The following AFF3 variants were observed in gnomAD, a reference collection of about 807,000 sequenced individuals.
The protein encoded by AFF3 is AF4/FMR2 family member 3.
In AFF3, 32 loss-of-function variants were observed where a neutral mutation model predicts 129.7. The observed-to-expected ratio is 0.25, with a 90% CI of 0.19 to 0.33. The LOEUF is 0.33. Ranked by LOEUF, AFF3 falls within the 10% of genes least tolerant of loss-of-function variation. The probability of loss-of-function intolerance (pLI) is 1.00; values close to 1 mark genes in which losing one functional copy is unlikely to be tolerated. For missense variants in AFF3, 1,373 were observed against 1,592.0 expected (o/e 0.86, Z 2.34); for synonymous variants, 644 against 635.4 (o/e 1.01, Z -0.20).
At chr2:99,936,909 G>A (rs1674572554) in intron 7 of AFF3, among the ~76,000 whole-genome samples, 1 of 152,198 alleles carries the variant, frequency 6.6e-6, no homozygotes, top group Admixed American at 6.5e-5. Flanking sequence ...ACCTCAGTAA[G>A]CACAGCTCTC....
At chr2:99,910,884 A>G (rs998382393) in intron 7 of AFF3, among the ~76,000 whole-genome samples, 2 of 152,274 alleles carry the variant, frequency 1.3e-5, no homozygotes, top group African/African-American at 4.8e-5. Context: ...GGCTGGACAA[A>G]TCACATAATT....
At chr2:100,106,177 T>A (rs942904338) in intron 2 of AFF3, 1 of 1,198,742 alleles carries the variant, frequency 8.3e-7, no homozygotes, top group Non-Finnish European at 1.1e-6. Context: ...GAATCAATCC[T>A]TTCTTCATTA....
rs765826728 is a variant in AFF3, at chr2:99,594,024, T to C, written c.1637A>G (p.Lys546Arg). 6.3e-7 allele frequency: 1 copy of C among 1,597,466 alleles called. No homozygotes were observed. Among genetic ancestry groups the C allele is most frequent in the South Asian group, 1.1e-5 (1 of 89,304 alleles). ...CACGGCCGCGGGCGGGGACTTCTGC[T>C]TCACGCCTTTACTCCCAGGGGCCTT... Reference protein sequence around the residue: ...ANKAPGSKGVKQKSPPAAVAV... With the variant: ...ANKAPGSKGVRQKSPPAAVAV... Residue 546 changes from lysine (K) to arginine (R), a missense_variant, in exon 15 of 25, where the codon AAG becomes AGG. This residue lies in a region of AFF3 where 413 missense variants were observed against 424.4 expected (regional missense o/e 0.97). Coordinates refer to ENST00000672756, the MANE Select transcript of AFF3 (RefSeq NM_001386135.1).
intron 9 of AFF3, among the ~76,000 whole-genome samples, chr2:99,747,264 A>C (rs1681246954): frequency 6.6e-6 from 1 of 152,112 alleles, no homozygotes; most frequent in South Asian, 2.1e-4. Flanking sequence ...TCCTGGCCTC[A>C]AGTGATCCAC....
chr2:99,551,657 C>T (rs1674421603), intron 24 of AFF3, 62 bp from the exon 25 acceptor site: 6 of 1,598,766 alleles, frequency 3.8e-6, no homozygotes, highest in Non-Finnish European at 5.1e-6. Context: ...TCCTGAGCAA[C>T]TGATGTAAGG....
intron 4 of AFF3, among the ~76,000 whole-genome samples, chr2:100,016,033 GTGGTGA>G (rs1683001772): frequency 6.8e-6 from 1 of 146,206 alleles, no homozygotes; most frequent in Admixed American, 6.6e-5. Flanking sequence ...GGTGGTGGTG[GTGGTGA>G]TGGTGATGAT....
intron 4 of AFF3, among the ~76,000 whole-genome samples, chr2:100,069,523 C>T (rs1687998758): frequency 6.6e-6 from 1 of 152,160 alleles, no homozygotes. Context: ...AGAAAACAGT[C>T]ATAGTCCCTT....
At chr2:99,637,344 G>A (rs535335919) in intron 13 of AFF3, among the ~76,000 whole-genome samples, 59 of 152,332 alleles carry the variant, frequency 3.9e-4, no homozygotes, top group Admixed American at 5.9e-4. Context: ...CACGGCCTCC[G>A]CCCACTGCAG....
At chr2:100,019,961 A>C (rs1000601156) in intron 4 of AFF3, among the ~76,000 whole-genome samples, 2 of 152,170 alleles carry the variant, frequency 1.3e-5, no homozygotes, top group Non-Finnish European at 2.9e-5. Context: ...TGAATCAGCA[A>C]ATAAACCTGG....
chr2:100,019,467 G>C (rs1205663351), intron 4 of AFF3, among the ~76,000 whole-genome samples: 2 of 152,088 alleles, frequency 1.3e-5, no homozygotes, highest in African/African-American at 4.8e-5. Flanking sequence ...ACCCTGACAG[G>C]CCAACCATCA....
intron 20 of AFF3, among the ~76,000 whole-genome samples, chr2:99,562,912 C>T (rs1559480325): frequency 1.3e-5 from 2 of 152,134 alleles, no homozygotes. Context: ...TTCAGCTCAT[C>T]CCTGATGGTA....
intron 4 of AFF3, among the ~76,000 whole-genome samples, chr2:100,050,409 T>C (rs1219764705): frequency 6.6e-6 from 1 of 152,062 alleles, no homozygotes; most frequent in African/African-American, 2.4e-5. Flanking sequence ...GTCTTGATCA[T>C]AGCTCACTGC....
intron 4 of AFF3, among the ~76,000 whole-genome samples, chr2:100,034,206 C>T (rs1042639934): frequency 1.3e-5 from 2 of 152,162 alleles, no homozygotes; most frequent in Non-Finnish European, 2.9e-5. Context: ...CAAAGAAAAT[C>T]AATCTCTTTA....
chr2:100,003,430 C>T (rs1681619763), intron 7 of AFF3, among the ~76,000 whole-genome samples: 1 of 152,176 alleles, frequency 6.6e-6, no homozygotes, highest in Non-Finnish European at 1.5e-5. Context: ...TGGTCTCTCA[C>T]CCAACCATAG....
chr2:99,967,510 G>A (rs1677900993), intron 7 of AFF3, among the ~76,000 whole-genome samples: 1 of 152,232 alleles, frequency 6.6e-6, no homozygotes, highest in Non-Finnish European at 1.5e-5. Flanking sequence ...ACCAGCTTGT[G>A]AACTGACTGT....
In AFF3 at chr2:99,580,620, C is replaced by T. The variant is rs144000615; in HGVS notation, c.2794-2169G>A. 6.6e-5 allele frequency among the ~76,000 whole-genome samples: 10 copies of T among 152,306 alleles called. No homozygotes were observed. In the East Asian group the frequency reaches 1.9e-3, roughly 29 times the overall value. ...GAAAACCTGCTTCGCAGAGGCCGGG[C>T]GCGGTGGCTCATGCCTGTAATCCCA... is the stretch of plus-strand genomic sequence containing the variant. On this transcript the variant is annotated intron_variant, in intron 17 of 24. Coordinates refer to ENST00000672756, the MANE Select transcript of AFF3 (RefSeq NM_001386135.1).
intron 12 of AFF3, among the ~76,000 whole-genome samples, chr2:99,656,021 C>T (rs902428594): frequency 4.6e-5 from 7 of 152,094 alleles, no homozygotes; most frequent in Non-Finnish European, 8.8e-5. Flanking sequence ...GATGGAGATC[C>T]ACTTGTTAAG....
intron 16 of AFF3, among the ~76,000 whole-genome samples, chr2:99,585,564 CTTGA>C (rs1678020419): frequency 6.6e-6 from 1 of 152,180 alleles, no homozygotes; most frequent in Non-Finnish European, 1.5e-5. Flanking sequence ...GGTCCAATAA[CTTGA>C]ATAGAGAAGT....
chr2:99,867,003 A>AATAATAAT lies in AFF3; in HGVS notation c.874-29480_874-29479insATTATTAT, dbSNP rs1558928973. Among the ~76,000 whole-genome samples the AATAATAAT allele has an allele frequency of 3.3e-3, 325 of 99,094 alleles. 3 individuals are homozygous for AATAATAAT. Among genetic ancestry groups the AATAATAAT allele is most frequent in the African/African-American group, 7.2e-3 (201 of 28,004 alleles). 65.0% of individuals were successfully genotyped at this position (99,094 alleles called of 152,430 possible). A position where few individuals can be genotyped will look rare whatever the true frequency, so the allele number is the denominator to read the frequency against. ...ATAATAATAATAATAATAATAATAA[A>AATAATAAT]AAATAAATAAAATAAAAATAAAAAA... On this transcript the variant is annotated intron_variant, in intron 7 of 24. Transcript: ENST00000672756.
Sources: gnomAD v4.1 joint callset for allele counts (sites outside exome capture counted in the v4.1 genomes callset) on GRCh38, gnomAD v4.1.1 for gene constraint, gnomAD v4.1.1 regional missense constraint, MANE v1.5 for transcripts, NCBI Gene and HGNC (gene_info 2026-07-23, HGNC 2026-07-21) for gene names.